The following ARL15 variants were observed in gnomAD, a reference collection of about 807,000 sequenced individuals.
ARL15 encodes the protein ARF like GTPase 15.
A neutral mutation model predicts 25.2 loss-of-function variants in ARL15; 19 were observed. The observed-to-expected ratio is 0.75, with a 90% confidence interval of 0.53 to 1.10. The LOEUF is 1.10. Among genes scored for constraint, ARL15 ranks in the 50% least tolerant of loss-of-function variants. The pLI is 0.00. For synonymous variants in ARL15, 94 were observed against 86.8 expected (o/e 1.08, Z -0.46); for missense variants, 220 against 246.0 (o/e 0.89, Z 0.71).
chr5:53,940,838 A>G (rs1746520095), intron 4 of ARL15, among the ~76,000 whole-genome samples: 1 of 152,222 alleles, frequency 6.6e-6, no homozygotes, highest in Non-Finnish European at 1.5e-5. Context: ...TAATGATCAC[A>G]TCATGCAGCT....
intron 4 of ARL15, among the ~76,000 whole-genome samples, chr5:54,059,822 AAC>A (rs1254866823): frequency 2.0e-5 from 3 of 152,188 alleles, no homozygotes; most frequent in South Asian, 2.1e-4. Flanking sequence ...GTGTATAAAA[AAC>A]AGTTTTATGG....
chr5:54,152,699 A>G (rs1173388995), intron 3 of ARL15, among the ~76,000 whole-genome samples: 4 of 152,196 alleles, frequency 2.6e-5, no homozygotes, highest in African/African-American at 9.7e-5. Flanking sequence ...TTTTACCTGC[A>G]TCTCTTAACC....
chr5:53,951,352 T>G (rs1441779139), intron 4 of ARL15, among the ~76,000 whole-genome samples: 2 of 152,206 alleles, frequency 1.3e-5, no homozygotes, highest in Non-Finnish European at 2.9e-5. Context: ...CCATCATAGA[T>G]CTGAGCTAAG....
intron 4 of ARL15, among the ~76,000 whole-genome samples, chr5:54,089,565 A>G (rs548724837): frequency 1.5e-4 from 23 of 152,342 alleles, no homozygotes; most frequent in African/African-American, 5.5e-4. Flanking sequence ...GCATTTATCT[A>G]TTTAAATAAG....
At chr5:53,925,997 CTT>C (rs70986651) in intron 4 of ARL15, among the ~76,000 whole-genome samples, 32,024 of 122,470 alleles carry the variant, frequency 0.26, 4,476 homozygotes, top group Middle Eastern at 0.4. Flanking sequence ...TTTTTTCTTT[CTT>C]TTTTTTTTTT....
intron 1 of ARL15, among the ~76,000 whole-genome samples, chr5:54,230,207 C>T (rs925286949): frequency 2.0e-5 from 3 of 151,674 alleles, no homozygotes; most frequent in Admixed American, 6.6e-5. Context: ...ATTAGCTGGG[C>T]ATGGTGGCAG....
At chr5:53,919,262 T>C (rs376647635) in intron 4 of ARL15, among the ~76,000 whole-genome samples, 2 of 152,150 alleles carry the variant, frequency 1.3e-5, no homozygotes, top group Middle Eastern at 3.2e-3. Flanking sequence ...GAGTGGTAAA[T>C]AGCAAAGCCC....
Position 53,886,545 on chromosome 5 carries a change from T to C in ARL15, c.*16A>G. On this transcript the variant is annotated 3_prime_UTR_variant, in exon 5 of 5. Transcript: ENST00000504924. ...AGGTTCAAGGCCTTTTGGGAGCCTG[T>C]TTTCTTTGCCAGATTTCACATTCTT... 1.9e-6 allele frequency: 3 copies of C among 1,551,248 alleles called. No homozygotes were observed. The highest frequency in any genetic ancestry group is 2.6e-6 in the Non-Finnish European group (3 of 1,148,210).
intron 4 of ARL15, among the ~76,000 whole-genome samples, chr5:53,930,956 G>A (rs918680226): frequency 6.6e-6 from 1 of 152,026 alleles, no homozygotes; most frequent in East Asian, 1.9e-4. Flanking sequence ...TATCTCTAAA[G>A]GATTCCTAAG....
chr5:54,161,704 G>A (rs978525347), intron 2 of ARL15, among the ~76,000 whole-genome samples: 2 of 152,112 alleles, frequency 1.3e-5, no homozygotes, highest in African/African-American at 4.8e-5. Flanking sequence ...ATGCTTATCT[G>A]TAATATCTGA....
chr5:54,056,611 CAGAGTA>C, intron 4 of ARL15, among the ~76,000 whole-genome samples: 1 of 132,240 alleles, frequency 7.6e-6, no homozygotes, highest in South Asian at 2.4e-4. Context: ...GCCTGGGTAA[CAGAGTA>C]AAACTGTCTA....
At chr5:54,081,947 C>A (rs548749023) in intron 4 of ARL15, among the ~76,000 whole-genome samples, 2 of 128,440 alleles carry the variant, frequency 1.6e-5, no homozygotes. Flanking sequence ...CAAAATTAGC[C>A]GGGAGTGATG....
At chr5:54,107,946 GA>G (rs1752636204) in intron 4 of ARL15, among the ~76,000 whole-genome samples, 1 of 151,470 alleles carries the variant, frequency 6.6e-6, no homozygotes, top group South Asian at 2.1e-4. Flanking sequence ...GTATACAGAG[GA>G]AAAAACAGTG....
intron 4 of ARL15, among the ~76,000 whole-genome samples, chr5:54,081,570 C>G (rs1390890878): frequency 2.0e-5 from 3 of 152,110 alleles, no homozygotes; most frequent in African/African-American, 7.2e-5. Flanking sequence ...CCCCCATGCT[C>G]TTCTGGTAAT....
chr5:54,260,302 G>A (rs1757469074), intron 1 of ARL15, among the ~76,000 whole-genome samples: 1 of 152,170 alleles, frequency 6.6e-6, no homozygotes, highest in Non-Finnish European at 1.5e-5. Context: ...GGGTAGATGG[G>A]ATGAAAGTGT....
intron 1 of ARL15, among the ~76,000 whole-genome samples, chr5:54,216,924 C>A (rs1171328457): frequency 3.3e-5 from 5 of 152,014 alleles, no homozygotes. Flanking sequence ...CCTGCTAATG[C>A]CTTTAAAGAC....
intron 1 of ARL15, among the ~76,000 whole-genome samples, chr5:54,287,244 C>T (rs887782073): frequency 6.6e-6 from 1 of 151,944 alleles, no homozygotes; most frequent in African/African-American, 2.4e-5. Flanking sequence ...TAAAGAAGAC[C>T]AAACCCTAGC....
At chr5:54,058,042 G>A (rs972695191) in intron 4 of ARL15, among the ~76,000 whole-genome samples, 3 of 142,250 alleles carry the variant, frequency 2.1e-5, no homozygotes, top group South Asian at 4.4e-4. Flanking sequence ...TCTCGCTCTT[G>A]TTCCCCAGGC....
chr5:54,077,525 G>A (rs1361363080), intron 4 of ARL15, among the ~76,000 whole-genome samples: 1 of 152,170 alleles, frequency 6.6e-6, no homozygotes, highest in Non-Finnish European at 1.5e-5. Context: ...AAGGTCTGAA[G>A]GAATTTGGTT....
Sources: gnomAD v4.1 joint callset for allele counts (sites outside exome capture counted in the v4.1 genomes callset) on GRCh38, gnomAD v4.1.1 for gene constraint, MANE v1.5 for transcripts, NCBI Gene and HGNC (gene_info 2026-07-23, HGNC 2026-07-21) for gene names.